The following SLA2 variants were observed in gnomAD, a reference collection of about 807,000 sequenced individuals.
The protein encoded by SLA2 is src-like-adapter 2.
Under a neutral mutation model 27.3 loss-of-function variants are expected in SLA2, and 22 were observed. That is an observed-to-expected ratio of 0.81 (90% CI 0.58 to 1.15). The LOEUF is 1.15. SLA2 is among the 50% of genes most tolerant of loss of function. The pLI, the probability that SLA2 is intolerant of heterozygous loss-of-function variation, is 0.00. For missense variants in SLA2, 304 were observed against 322.2 expected (o/e 0.94, Z 0.43); for synonymous variants, 131 against 137.8 (o/e 0.95, Z 0.34).
chr20:36,637,978 T>A (rs2039469916), intron 2 of SLA2, among the ~76,000 whole-genome samples: 1 of 133,544 alleles, frequency 7.5e-6, no homozygotes, highest in South Asian at 2.7e-4. Flanking sequence ...AACCTCCACC[T>A]CCTCCTGGGT....
intron 5 of SLA2, chr20:36,621,493 G>C: frequency 5.8e-6 from 2 of 342,130 alleles, no homozygotes; most frequent in Non-Finnish European, 1.1e-5. Context: ...CCAGGCTGAA[G>C]TGCAGTGGCG....
intron 5 of SLA2, among the ~76,000 whole-genome samples, chr20:36,618,713 C>G (rs2039243376): frequency 2.0e-5 from 3 of 151,480 alleles, no homozygotes; most frequent in Admixed American, 2.0e-4. Context: ...CAAGACCAGC[C>G]TGACCAACAA....
chr20:36,639,396 TACAC>T (rs72401143), intron 2 of SLA2, among the ~76,000 whole-genome samples: 222 of 146,838 alleles, frequency 1.5e-3, no homozygotes, highest in African/African-American at 4.3e-3. Context: ...AAAAAATCTC[TACAC>T]ACACACACAC....
At chr20:36,623,166 G>A (rs191828410) in intron 5 of SLA2, among the ~76,000 whole-genome samples, 1 of 151,744 alleles carries the variant, frequency 6.6e-6, no homozygotes. Flanking sequence ...GTACTCCAGA[G>A]GCTGAGGCAA....
intron 2 of SLA2, among the ~76,000 whole-genome samples, chr20:36,638,174 C>T (rs914609043): frequency 2.0e-5 from 3 of 151,818 alleles, no homozygotes; most frequent in African/African-American, 4.8e-5. Flanking sequence ...TACAGGCATG[C>T]GCCTGGCCTG....
At chr20:36,633,132 C>T (rs6028440) in intron 4 of SLA2, among the ~76,000 whole-genome samples, 16 of 152,266 alleles carry the variant, frequency 1.1e-4, no homozygotes, top group African/African-American at 3.4e-4. Context: ...AGTGCAGTGG[C>T]GCAATCACGG....
intron 5 of SLA2, among the ~76,000 whole-genome samples, chr20:36,632,264 C>T (rs1376637075): frequency 4.6e-5 from 7 of 152,048 alleles, no homozygotes; most frequent in Admixed American, 4.6e-4. Context: ...ACCACTGTGT[C>T]TTGTTGCCTG....
chr20:36,612,924 A>C lies in SLA2; in HGVS notation c.*942T>G, dbSNP rs544436564. 2 of 153,234 alleles carry C rather than the reference A, an allele frequency of 1.3e-5. No individual in the cohort carries two copies. Among genetic ancestry groups the C allele is most frequent in the Non-Finnish European group, 2.9e-5 (2 of 68,826 alleles). The allele number at this position is 153,234 out of a possible 1,614,324, so 9.5% of individuals were successfully genotyped here. On this transcript the variant is annotated 3_prime_UTR_variant, in exon 8 of 8. Coordinates refer to ENST00000262866, the MANE Select transcript of SLA2 (RefSeq NM_032214.4). Reference sequence around the variant, plus strand: ...TGGTAAGCCACAAAATGAAATAGAGATCTGAGAGCTAGGCTGGGTGCCGTG... The same window carrying C: ...TGGTAAGCCACAAAATGAAATAGAGCTCTGAGAGCTAGGCTGGGTGCCGTG...
chr20:36,613,893 G>C lies in SLA2; in HGVS notation c.759C>G (p.Asp253Glu). 1.2e-6 allele frequency: 2 copies of C among 1,613,948 alleles called. No individual in the cohort carries two copies. Among genetic ancestry groups the C allele is most frequent in the Non-Finnish European group, 8.5e-7 (1 of 1,179,952 alleles). ...ESLSFYISLNDEAVSLDDA is the reference protein window; with the variant it reads ...ESLSFYISLNEEAVSLDDA ...AGGCATCATCCAAAGAGACAGCCTC[G>C]TCATTCAGGCTGATGTAGAAGCTGA... The change falls in exon 8 of 8, where the codon GAC becomes GAG. Residue 253 changes from aspartate to glutamate, a missense_variant. Asp to Glu is a conservative substitution (Grantham distance 45). Coordinates refer to ENST00000262866, the MANE Select transcript of SLA2 (RefSeq NM_032214.4).
chr20:36,632,040 G>A (rs2039397876), intron 5 of SLA2, among the ~76,000 whole-genome samples: 1 of 152,074 alleles, frequency 6.6e-6, no homozygotes, highest in Admixed American at 6.6e-5. Flanking sequence ...TTCTAAGCAG[G>A]TGGCCCACAG....
At chr20:36,630,508 C>T (rs190739989) in intron 5 of SLA2, among the ~76,000 whole-genome samples, 4 of 152,302 alleles carry the variant, frequency 2.6e-5, no homozygotes, top group Admixed American at 6.5e-5. Context: ...TACTGCCCCA[C>T]GTGGGCCTTT....
intron 5 of SLA2, among the ~76,000 whole-genome samples, chr20:36,623,450 T>C (rs1183601932): frequency 6.6e-6 from 1 of 152,090 alleles, no homozygotes; most frequent in African/African-American, 2.4e-5. Context: ...TGGAAAATAA[T>C]ACAGCTGCCT....
intron 5 of SLA2, among the ~76,000 whole-genome samples, chr20:36,615,988 C>T (rs1021062407): frequency 1.3e-5 from 2 of 152,184 alleles, no homozygotes; most frequent in Admixed American, 6.5e-5. Context: ...ATAACTGCTA[C>T]ATATAAGCAT....
chr20:36,637,939 AC>A (rs1295287131), intron 2 of SLA2, among the ~76,000 whole-genome samples: 5 of 121,908 alleles, frequency 4.1e-5, no homozygotes, highest in Admixed American at 1.1e-4. Flanking sequence ...CCCGGGCTGG[AC>A]TGCAATGGCA....
chr20:36,615,072 A>C, intron 6 of SLA2, 153 bp downstream of exon 6: 1 of 985,270 alleles, frequency 1.0e-6, no homozygotes, highest in Non-Finnish European at 1.2e-6. Flanking sequence ...CCCAGCCTGC[A>C]TTTCTTGGCA....
At chr20:36,627,005 T>G (rs1003436531) in intron 5 of SLA2, among the ~76,000 whole-genome samples, 1 of 151,612 alleles carries the variant, frequency 6.6e-6, no homozygotes, top group Non-Finnish European at 1.5e-5. Context: ...TCTGGGTAGG[T>G]GGTAGTCTGG....
chr20:36,625,227 T>TA (rs1424861615), intron 5 of SLA2, among the ~76,000 whole-genome samples: 2 of 147,824 alleles, frequency 1.4e-5, no homozygotes, highest in Non-Finnish European at 3.0e-5. Context: ...TTTTTTTTTT[T>TA]TTTTTTTTTT....
intron 2 of SLA2, 40 bp from the exon 3 acceptor site, chr20:36,634,629 C>G: frequency 7.2e-7 from 1 of 1,383,590 alleles, no homozygotes; most frequent in Non-Finnish European, 1.0e-6. Context: ...CTTAGCTAGC[C>G]CTGCTCCACG....
chr20:36,636,623 A>ATATATAT (rs1555793206), intron 2 of SLA2, among the ~76,000 whole-genome samples: 24 of 114,688 alleles, frequency 2.1e-4, no homozygotes, highest in African/African-American at 5.6e-4. Flanking sequence ...AAAAAAAAAA[A>ATATATAT]ATATATATAT....
Sources: allele counts gnomAD v4.1 joint callset (sites outside exome capture counted in the v4.1 genomes callset), GRCh38; gene constraint gnomAD v4.1.1; transcripts MANE v1.5; gene names NCBI Gene and HGNC (gene_info 2026-07-23, HGNC 2026-07-21).